ANKRD26: variants seen among roughly 807,000 people sequenced by gnomAD.
ANKRD26 encodes the protein ankyrin repeat domain-containing protein 26.
Under a neutral mutation model 208.7 loss-of-function variants are expected in ANKRD26, and 141 were observed. The ratio of observed to expected loss-of-function variants is 0.68; its 90% CI spans 0.59 to 0.78. The LOEUF (loss-of-function observed/expected upper bound fraction) is 0.78, where lower values mean the gene tolerates loss of function less well. Ranked by LOEUF, ANKRD26 falls within the 30% of genes least tolerant of loss-of-function variation. The probability of loss-of-function intolerance (pLI) is 0.00; values close to 1 mark genes in which losing one functional copy is unlikely to be tolerated. For missense variants in ANKRD26, 1,889 were observed against 1,938.7 expected (o/e 0.97, Z 0.48); for synonymous variants, 636 against 660.4 (o/e 0.96, Z 0.57).
chr10:26,974,603 G>A (rs999402965), exon 6 of ANKRD26, among the ~76,000 whole-genome samples: 8 of 152,182 alleles, frequency 5.3e-5, no homozygotes, highest in Non-Finnish European at 1.0e-4. Context: ...GCCTCCCAAA[G>A]TGCTGCGATT....
At chr10:27,029,257 G>A in intron 26 of ANKRD26, 29 bp downstream of exon 26, 2 of 1,588,986 alleles carry the variant, frequency 1.3e-6, no homozygotes, top group Non-Finnish European at 1.7e-6. Context: ...AAATAATCAT[G>A]TTTTTCTGTG....
rs752319465 is a variant in ANKRD26, at chr10:27,037,209, C to T, written c.2674G>A (p.Ala892Thr). 2.5e-6 allele frequency: 4 copies of T among 1,613,222 alleles called. No homozygotes were observed. The Admixed American group carries it at 5.0e-5, about 20-fold the overall frequency. Reference sequence around the variant, plus strand: ...ACCTCAGAATTCATTTTCTTTTGAGCCATTTCAATCTCCTTTTGTTTGGAA... The same window carrying T: ...ACCTCAGAATTCATTTTCTTTTGAGTCATTTCAATCTCCTTTTGTTTGGAA... ...HLSKQKEIEM[A>T]QKKMNSENSH... The change falls in exon 23 of 34, where the codon GCT (alanine) becomes ACT (threonine). Residue 892 changes from alanine to threonine, a missense_variant. Coordinates refer to ENST00000376087, the MANE Select transcript of ANKRD26 (RefSeq NM_014915.3).
At chr10:27,035,860 T>A in intron 23 of ANKRD26, 108 bp from the exon 24 acceptor site, 1 of 844,536 alleles carries the variant, frequency 1.2e-6, no homozygotes, top group Non-Finnish European at 1.9e-6. Flanking sequence ...AGGGTTGCAA[T>A]AAGTGTATAT....
intron 9 of ANKRD26, among the ~76,000 whole-genome samples, chr10:27,068,919 C>A (rs1324191360): frequency 9.3e-5 from 14 of 151,126 alleles, no homozygotes; most frequent in Admixed American, 8.6e-4. Context: ...TCGGGCGCAG[C>A]GCGGTGGCTC....
Position 27,035,143 on chromosome 10 carries a change from G to C in ANKRD26, c.3307C>G (p.Gln1103Glu), listed in dbSNP as rs1229813174. 1 of 1,613,706 alleles carries C rather than the reference G, an allele frequency of 6.2e-7. No individual in the cohort carries two copies. Among genetic ancestry groups the C allele is most frequent in the Non-Finnish European group, 8.5e-7 (1 of 1,179,840 alleles). ...GLERVQKDLS[Q>E]TQCQMKEMEQ... The stretch of plus-strand genomic sequence containing the variant: ...ATTTCCTTCATTTGACACTGTGTTT[G>C]GCTTAGGTCCTTTTGTACCCGTTCT... The change falls in exon 24 of 34, where the codon CAA becomes GAA. Residue 1103 changes from glutamine to glutamate, a missense_variant. Physicochemically the swap from Gln to Glu is conservative, Grantham distance 29. Transcript: ENST00000376087.
intron 1 of ANKRD26, among the ~76,000 whole-genome samples, chr10:27,099,388 C>A (rs1402913244): frequency 6.6e-6 from 1 of 152,150 alleles, no homozygotes; most frequent in African/African-American, 2.4e-5. Context: ...TTAAGCAATG[C>A]TGAGAAAAAC....
chr10:27,058,387 G>A (rs567028662), intron 15 of ANKRD26, among the ~76,000 whole-genome samples: 3 of 152,216 alleles, frequency 2.0e-5, no homozygotes, highest in Admixed American at 6.5e-5. Context: ...AGGATGTATC[G>A]TAACATCATA....
chr10:27,043,556 T>C lies in ANKRD26; in HGVS notation c.2031A>G (p.Gln677=). The C allele has an allele frequency of 6.2e-7, 1 of 1,613,748 alleles. No individual in the cohort carries two copies. The highest frequency in any genetic ancestry group is 1.1e-5 in the South Asian group (1 of 91,060). ...CATCAACATCATCCATAGACTGTATTTGGTTTTTGACCTATGAAATAAATA... is the reference window on the plus strand; with the variant it reads ...CATCAACATCATCCATAGACTGTATCTGGTTTTTGACCTATGAAATAAATA... ...TSNEKNKVKN[Q]IQSMDDVDDL... is the part of the protein sequence containing the mutation. Residue 677 remains glutamine, a synonymous_variant, in exon 20 of 34, where the codon CAA becomes CAG. Coordinates refer to ENST00000376087, the MANE Select transcript of ANKRD26 (RefSeq NM_014915.3).
chr10:27,041,052 G>C (rs575005498), intron 20 of ANKRD26, among the ~76,000 whole-genome samples: 28 of 150,422 alleles, frequency 1.9e-4, no homozygotes, highest in Admixed American at 8.6e-4. Context: ...AAAAAGAAAA[G>C]AAAACAAACA....
exon 6 of ANKRD26, among the ~76,000 whole-genome samples, chr10:26,975,495 G>C (rs1280433572): frequency 7.2e-6 from 1 of 139,176 alleles, no homozygotes; most frequent in African/African-American, 2.8e-5. Context: ...GCAAAGTGCT[G>C]GGATAACAGG....
chr10:27,049,636 T>A (rs1219454134), intron 16 of ANKRD26, among the ~76,000 whole-genome samples: 1 of 152,168 alleles, frequency 6.6e-6, no homozygotes, highest in Non-Finnish European at 1.5e-5. Context: ...TAAAATTTTA[T>A]AGCTGGAGGA....
chr10:27,092,534 T>C, intron 3 of ANKRD26, 22 bp from the exon 4 acceptor site: 2 of 1,530,034 alleles, frequency 1.3e-6, no homozygotes, highest in Non-Finnish European at 9.0e-7. Context: ...CAAAAACAAG[T>C]TAAAATGCAT....
At chr10:27,058,581 G>C (rs558059052) in intron 15 of ANKRD26, among the ~76,000 whole-genome samples, 1 of 147,008 alleles carries the variant, frequency 6.8e-6, no homozygotes, top group African/African-American at 2.6e-5. Context: ...ACTCCACCAT[G>C]ATTTTTTTTT....
intron 5 of ANKRD26, among the ~76,000 whole-genome samples, chr10:27,083,531 C>A (rs1458995426): frequency 7.2e-5 from 11 of 151,940 alleles, no homozygotes; most frequent in Admixed American, 7.2e-4. Flanking sequence ...TGAGACCAGC[C>A]TGGCCTAACA....
chr10:26,953,160 C>T, the ANKRD26 span, among the ~76,000 whole-genome samples: 1 of 152,168 alleles, frequency 6.6e-6, no homozygotes, highest in Non-Finnish European at 1.5e-5. Context: ...CAGAGTGGGT[C>T]ATGCCTGTAA....
intron 4 of ANKRD26, among the ~76,000 whole-genome samples, chr10:27,091,114 A>ATAC (rs2056286130): frequency 6.6e-6 from 1 of 152,112 alleles, no homozygotes; most frequent in Non-Finnish European, 1.5e-5. Context: ...AATAATAATA[A>ATAC]TAAAGGTAAT....
chr10:27,089,551 G>C (rs1286263803), intron 4 of ANKRD26, among the ~76,000 whole-genome samples: 1 of 152,222 alleles, frequency 6.6e-6, no homozygotes, highest in Non-Finnish European at 1.5e-5. Context: ...CAGCACTTTG[G>C]AAAGCCAAGG....
downstream of ANKRD26, among the ~76,000 whole-genome samples, chr10:26,972,703 C>T (rs527454100): frequency 6.6e-6 from 1 of 151,106 alleles, no homozygotes; most frequent in Non-Finnish European, 1.5e-5. Context: ...CCATTCTCCT[C>T]CCTCAGCCTC....
At position 27,037,884 on chromosome 10, in the gene ANKRD26, C is replaced by T. The variant is rs1211734208; in HGVS notation, c.2546G>A (p.Ser849Asn). The change falls in exon 22 of 34, where the codon AGT (serine) becomes AAT (asparagine). Residue 849 changes from serine to asparagine, a missense_variant. By Grantham distance (46) the Ser-to-Asn change is conservative. Coordinates refer to ENST00000376087, the MANE Select transcript of ANKRD26 (RefSeq NM_014915.3). ...AAATTAATTTACCTGATTCAAATTA[C>T]TTTTTACAGTCCTCAATTCCATCTC... is the stretch of plus-strand genomic sequence containing the variant. The part of the protein sequence containing the change: ...TLEMELRTVK[S>N]NLNQVVQERN... 6 of 1,609,056 alleles carry T rather than the reference C, an allele frequency of 3.7e-6. No individual in the cohort carries two copies. The highest frequency in any genetic ancestry group is 5.1e-6 in the Non-Finnish European group (6 of 1,178,214).
Sources: allele counts gnomAD v4.1 joint callset (sites outside exome capture counted in the v4.1 genomes callset), GRCh38; gene constraint gnomAD v4.1.1; transcripts MANE v1.5; gene names NCBI Gene and HGNC (gene_info 2026-07-23, HGNC 2026-07-21).